ADAM12: variants seen among roughly 807,000 people sequenced by gnomAD.
The protein encoded by ADAM12 is disintegrin and metalloproteinase domain-containing protein 12.
In ADAM12, 70 loss-of-function variants were observed where a neutral mutation model predicts 106.4. The observed-to-expected ratio is 0.66, with a 90% CI of 0.54 to 0.80. The LOEUF is 0.80. Ranked by LOEUF, ADAM12 falls within the 30% of genes least tolerant of loss-of-function variation. The pLI is 0.00. For missense variants in ADAM12, 1,010 were observed against 1,171.9 expected (o/e 0.86, Z 2.02); for synonymous variants, 420 against 433.5 (o/e 0.97, Z 0.39).
chr10:126,208,991 A>G (rs1322783977), intron 3 of ADAM12, among the ~76,000 whole-genome samples: 4 of 152,208 alleles, frequency 2.6e-5, no homozygotes, highest in Admixed American at 2.0e-4. Context: ...AAATGACAAG[A>G]CATCTCTTTT....
chr10:126,335,940 AC>A (rs1854683009), intron 1 of ADAM12, among the ~76,000 whole-genome samples: 1 of 151,768 alleles, frequency 6.6e-6, no homozygotes, highest in Admixed American at 6.6e-5. Context: ...AAATATACCA[AC>A]CAGTAATCGT....
intron 3 of ADAM12, among the ~76,000 whole-genome samples, chr10:126,203,718 A>T (rs527309096): frequency 9.2e-5 from 14 of 152,192 alleles, no homozygotes; most frequent in Non-Finnish European, 1.8e-4. Flanking sequence ...TCCTACTCCC[A>T]CAAATTCTTC....
rs991018123 is a variant in ADAM12, at chr10:126,066,997, C to T, written c.1324-191G>A. 6.4e-5 allele frequency: 36 copies of T among 560,020 alleles called. No individual in the cohort carries two copies. Among genetic ancestry groups the T allele is most frequent in the Non-Finnish European group, 3.9e-5 (12 of 310,068 alleles). 34.7% of individuals were successfully genotyped at this position (560,020 alleles called of 1,614,324 possible). On this transcript the variant is annotated intron_variant, in intron 12 of 22. Transcript: ENST00000448723. This position sits in a 1 kb window ranked among gnomAD's most constrained non-coding sequence, Gnocchi z 5.1. ...GCTTTTTATGAACCAACTGGGTCTA[C>T]GAGTCCCTGGAAAAAGCCAGTAGCA...
chr10:126,248,579 C>T (rs1264933612), intron 3 of ADAM12, among the ~76,000 whole-genome samples: 2 of 152,162 alleles, frequency 1.3e-5, no homozygotes, highest in Non-Finnish European at 2.9e-5. Context: ...AACAAGCAAA[C>T]ACATTTCAGT....
At chr10:126,202,214 C>A (rs1329484435) in intron 3 of ADAM12, among the ~76,000 whole-genome samples, 3 of 152,224 alleles carry the variant, frequency 2.0e-5, no homozygotes, top group African/African-American at 7.2e-5. Context: ...GCTATTAGTA[C>A]CTGTGGAAAA....
chr10:126,259,644 G>A lies in ADAM12; in HGVS notation c.260+19271C>T, dbSNP rs1176061125. ...ATTTCCTTTGTTCTCTACTACAAACGCTTTGAGCTATCATTCATCATCCAT... is the reference window on the plus strand; with the variant it reads ...ATTTCCTTTGTTCTCTACTACAAACACTTTGAGCTATCATTCATCATCCAT... On this transcript the variant is annotated intron_variant, in intron 3 of 22. Transcript: ENST00000448723. 2.0e-5 allele frequency among the ~76,000 whole-genome samples: 3 copies of A among 152,140 alleles called. No homozygotes were observed. In the East Asian group the frequency reaches 5.8e-4, roughly 29 times the overall value.
At chr10:126,304,778 A>T (rs1443772810) in intron 2 of ADAM12, among the ~76,000 whole-genome samples, 1 of 152,086 alleles carries the variant, frequency 6.6e-6, no homozygotes, top group Non-Finnish European at 1.5e-5. Flanking sequence ...TGGGTAAAAA[A>T]AATCTGAACG....
intron 2 of ADAM12, among the ~76,000 whole-genome samples, chr10:126,307,715 A>G (rs564578518): frequency 2.0e-5 from 3 of 151,828 alleles, no homozygotes; most frequent in Admixed American, 2.0e-4. Flanking sequence ...TAATTTTTGT[A>G]TTTTAGTAGA....
At chr10:126,219,894 A>G (rs1958056881) in intron 3 of ADAM12, among the ~76,000 whole-genome samples, 1 of 152,238 alleles carries the variant, frequency 6.6e-6, no homozygotes, top group Admixed American at 6.5e-5. Context: ...TAGACAATCA[A>G]TGGGAATCTA....
At chr10:126,124,413 C>T (rs1956165196) in intron 5 of ADAM12, among the ~76,000 whole-genome samples, 1 of 152,028 alleles carries the variant, frequency 6.6e-6, no homozygotes, top group South Asian at 2.1e-4. Flanking sequence ...CAGTAATTTC[C>T]ATGTGAACTA....
At chr10:126,274,395 A>G (rs1195469625) in intron 3 of ADAM12, among the ~76,000 whole-genome samples, 1 of 152,186 alleles carries the variant, frequency 6.6e-6, no homozygotes, top group African/African-American at 2.4e-5. Flanking sequence ...TAGCAGCCAC[A>G]TTGCCTCAGG....
intron 3 of ADAM12, among the ~76,000 whole-genome samples, chr10:126,218,946 C>T (rs940705831): frequency 3.3e-5 from 5 of 152,222 alleles, no homozygotes; most frequent in African/African-American, 7.2e-5. Flanking sequence ...CGCCTGACCT[C>T]GTGCTTGATG....
intron 2 of ADAM12, among the ~76,000 whole-genome samples, chr10:126,304,772 T>TA (rs1380741888): frequency 6.6e-6 from 1 of 151,268 alleles, no homozygotes; most frequent in Non-Finnish European, 1.5e-5. Context: ...TAAAAATGGG[T>TA]AAAAAAAATC....
At chr10:126,231,749 C>T (rs1021097905) in intron 3 of ADAM12, among the ~76,000 whole-genome samples, 6 of 152,324 alleles carry the variant, frequency 3.9e-5, no homozygotes, top group Middle Eastern at 3.4e-3. Context: ...TGCCTCGGGG[C>T]GGCTGCTCTC....
At chr10:126,114,871 C>T (rs1955951332) in intron 6 of ADAM12, among the ~76,000 whole-genome samples, 1 of 152,166 alleles carries the variant, frequency 6.6e-6, no homozygotes, top group Non-Finnish European at 1.5e-5. Flanking sequence ...TTCAGTATGC[C>T]TGTCATATTT....
intron 4 of ADAM12, among the ~76,000 whole-genome samples, chr10:126,145,806 C>T (rs1956615932): frequency 6.6e-6 from 1 of 152,210 alleles, no homozygotes; most frequent in Non-Finnish European, 1.5e-5. Flanking sequence ...CCACATTGGA[C>T]ACTATCAGTA....
intron 18 of ADAM12, among the ~76,000 whole-genome samples, chr10:126,040,952 C>T (rs539869900): frequency 1.3e-5 from 2 of 152,192 alleles, no homozygotes; most frequent in Non-Finnish European, 2.9e-5. Flanking sequence ...TGGCCCAGTC[C>T]GCACTCTAGA....
chr10:126,208,816 C>T (rs946197093), intron 3 of ADAM12, among the ~76,000 whole-genome samples: 27 of 151,596 alleles, frequency 1.8e-4, no homozygotes, highest in Middle Eastern at 3.4e-3. Flanking sequence ...CCATCAGAAA[C>T]TCTTACACTG....
At chr10:126,170,652 CAAGGA>C (rs1957103996) in intron 3 of ADAM12, among the ~76,000 whole-genome samples, 1 of 152,056 alleles carries the variant, frequency 6.6e-6, no homozygotes, top group African/African-American at 2.4e-5. Flanking sequence ...GTGTCTGGGA[CAAGGA>C]AGGATTGTAA....
Sources: gnomAD v4.1 joint callset for allele counts (sites outside exome capture counted in the v4.1 genomes callset) on GRCh38, gnomAD v4.1.1 for gene constraint, Gnocchi (gnomAD v3.1) non-coding constraint, MANE v1.5 for transcripts, NCBI Gene and HGNC (gene_info 2026-07-23, HGNC 2026-07-21) for gene names.